The following KIRREL3 variants were observed in gnomAD, a reference collection of about 807,000 sequenced individuals.
The protein encoded by KIRREL3 is kirre like nephrin family adhesion molecule 3, also known as kin of IRRE-like protein 3.
A neutral mutation model predicts 89.7 loss-of-function variants in KIRREL3; 36 were observed. The ratio of observed to expected loss-of-function variants is 0.40; its 90% CI spans 0.31 to 0.53. The LOEUF (loss-of-function observed/expected upper bound fraction) is 0.53. KIRREL3 is among the 20% of genes least tolerant of loss of function. The pLI, the probability that KIRREL3 is intolerant of heterozygous loss-of-function variation, is 0.49. For synonymous variants in KIRREL3, 445 were observed against 441.4 expected (o/e 1.01, Z -0.10); for missense variants, 864 against 1,056.6 (o/e 0.82, Z 2.53).
At chr11:126,436,107 G>A (rs1955322793) in intron 12 of KIRREL3, among the ~76,000 whole-genome samples, 1 of 152,146 alleles carries the variant, frequency 6.6e-6, no homozygotes, top group Non-Finnish European at 1.5e-5. Context: ...CTTTGACCAG[G>A]AGCTGGGACG....
chr11:126,520,299 C>T lies in KIRREL3; in HGVS notation c.433+1016G>A, dbSNP rs1452305142. ...TGGGCCTGGGCTTTCCCACTTCCCT[C>T]CTGCACGCGTGCCTGGCACAGACTC... On this transcript the variant is annotated intron_variant, in intron 4 of 16. Coordinates refer to ENST00000525144, the MANE Select transcript of KIRREL3 (RefSeq NM_032531.4). This position sits in a 1 kb window ranked among gnomAD's most constrained non-coding sequence, Gnocchi z 4.9. 3.9e-5 allele frequency among the ~76,000 whole-genome samples: 6 copies of T among 152,226 alleles called. No homozygotes were observed. Among genetic ancestry groups the T allele is most frequent in the African/African-American group, 1.4e-4 (6 of 41,462 alleles).
intron 1 of KIRREL3, among the ~76,000 whole-genome samples, chr11:126,834,956 T>C (rs1392927890): frequency 1.3e-5 from 2 of 152,216 alleles, no homozygotes; most frequent in Non-Finnish European, 2.9e-5. Flanking sequence ...CAAACAGATA[T>C]AGGGGGAAAC....
At chr11:126,964,727 T>A (rs919941546) in intron 1 of KIRREL3, among the ~76,000 whole-genome samples, 1 of 152,152 alleles carries the variant, frequency 6.6e-6, no homozygotes, top group African/African-American at 2.4e-5. Context: ...TGAGGTTCTA[T>A]GCAGATGTTG....
In KIRREL3 at chr11:126,495,239, C is replaced by T. The variant is rs867553129; in HGVS notation, c.434-21773G>A. On this transcript the variant is annotated intron_variant, in intron 4 of 16. Coordinates refer to ENST00000525144, the MANE Select transcript of KIRREL3 (RefSeq NM_032531.4). This position sits in a 1 kb window ranked among gnomAD's most constrained non-coding sequence, Gnocchi z 6.5. The stretch of plus-strand genomic sequence containing the variant: ...CTGGCTCTTCCTTGCCTTTCAGGAA[C>T]TCCCAGTGGCTTTCCCTTGTTTGCA... Among the ~76,000 whole-genome samples the T allele has an allele frequency of 7.9e-5, 12 of 152,176 alleles. No homozygotes were observed. The highest frequency in any genetic ancestry group is 2.2e-4 in the African/African-American group (9 of 41,440).
rs1956575669 is a variant in KIRREL3, at chr11:126,462,389, G to T, written c.742+768C>A. Among the ~76,000 whole-genome samples, 1 of 152,200 alleles carries T rather than the reference G, an allele frequency of 6.6e-6. No homozygotes were observed. Among genetic ancestry groups the T allele is most frequent in the African/African-American group, 2.4e-5 (1 of 41,448 alleles). On this transcript the variant is annotated intron_variant, in intron 6 of 16. Coordinates refer to ENST00000525144, the MANE Select transcript of KIRREL3 (RefSeq NM_032531.4). The surrounding 1 kb of genome is among the most constrained non-coding windows in gnomAD (Gnocchi z 4.8). The stretch of plus-strand genomic sequence containing the variant: ...TGTTGTAAAGATTAAATAAGGCCAG[G>T]CGAAGTGGCTCACATCTGTAATCCC...
Position 126,903,750 on chromosome 11 carries a change from C to T in KIRREL3, c.55+96705G>A, listed in dbSNP as rs1946463923. Among the ~76,000 whole-genome samples the T allele has an allele frequency of 6.6e-6, 1 of 152,264 alleles. No homozygotes were observed. The highest frequency in any genetic ancestry group is 1.5e-5 in the Non-Finnish European group (1 of 68,020). On this transcript the variant is annotated intron_variant, in intron 1 of 16. Coordinates refer to ENST00000525144, the MANE Select transcript of KIRREL3 (RefSeq NM_032531.4). The surrounding 1 kb of genome is among the most constrained non-coding windows in gnomAD (Gnocchi z 4.5). Reference sequence around the variant, plus strand: ...GGCCACCAACGCTTTCTGTAATCACCTTAATAGGTCAACATAACAATGGAT... The same window carrying T: ...GGCCACCAACGCTTTCTGTAATCACTTTAATAGGTCAACATAACAATGGAT...
At chr11:126,864,424 C>T (rs7943634) in intron 1 of KIRREL3, among the ~76,000 whole-genome samples, 35,380 of 152,166 alleles carry the variant, frequency 0.23, 4,816 homozygotes, top group Non-Finnish European at 0.31. Flanking sequence ...TTGCAGTATG[C>T]CTGCCTGGCC....
intron 1 of KIRREL3, among the ~76,000 whole-genome samples, chr11:126,831,680 A>G (rs1222886409): frequency 6.6e-6 from 1 of 152,232 alleles, no homozygotes. Context: ...GAAAGGGGTC[A>G]CTTACAACAG....
chr11:126,958,584 T>A (rs1032508315), intron 1 of KIRREL3, among the ~76,000 whole-genome samples: 15 of 152,226 alleles, frequency 9.9e-5, no homozygotes, highest in African/African-American at 3.6e-4. Flanking sequence ...TCACTAAATT[T>A]GATGGTATGA....
At position 126,971,402 on chromosome 11, in the gene KIRREL3, T is replaced by A. The variant is rs140311539; in HGVS notation, c.55+29053A>T. 5.5e-3 allele frequency among the ~76,000 whole-genome samples: 832 copies of A among 152,236 alleles called. 8 individuals are homozygous for A. Among genetic ancestry groups the A allele is most frequent in the African/African-American group, 0.019 (801 of 41,552 alleles). On this transcript the variant is annotated intron_variant, in intron 1 of 16. Coordinates refer to ENST00000525144, the MANE Select transcript of KIRREL3 (RefSeq NM_032531.4). Reference sequence around the variant, plus strand: ...ATTCTGAAGAGATAACAGCTAGGTGTGAAAATGAGAGTTGTAGAAACCACT... The same window carrying A: ...ATTCTGAAGAGATAACAGCTAGGTGAGAAAATGAGAGTTGTAGAAACCACT...
chr11:126,509,991 C>CGAAAAAAA (rs1958154261), intron 4 of KIRREL3, among the ~76,000 whole-genome samples: 1 of 62,062 alleles, frequency 1.6e-5, no homozygotes, highest in Non-Finnish European at 2.8e-5. Context: ...GACTCCGTCT[C>CGAAAAAAA]AAAAAAAAAA....
chr11:126,589,605 C>G (rs988155313), intron 1 of KIRREL3, among the ~76,000 whole-genome samples: 1 of 152,228 alleles, frequency 6.6e-6, no homozygotes, highest in Non-Finnish European at 1.5e-5. Flanking sequence ...CATAGTAACA[C>G]AGCTCATCAC....
intron 2 of KIRREL3, among the ~76,000 whole-genome samples, chr11:126,538,017 G>C (rs1938048751): frequency 6.6e-6 from 1 of 151,920 alleles, no homozygotes. Flanking sequence ...CTTGAGCTTG[G>C]GACTGTTAAA....
In KIRREL3 at chr11:126,983,292, C is replaced by T. The variant is rs1420141881; in HGVS notation, c.55+17163G>A. 6.6e-6 allele frequency among the ~76,000 whole-genome samples: 1 copy of T among 152,150 alleles called. No individual in the cohort carries two copies. The highest frequency in any genetic ancestry group is 1.5e-5 in the Non-Finnish European group (1 of 68,026). ...ACTTACAAGTAGTGAGGCTGAGGCA[C>T]AGATTTCTTACACAGAGAGGTAGGA... On this transcript the variant is annotated intron_variant, in intron 1 of 16. Transcript: ENST00000525144. The surrounding 1 kb of genome is among the most constrained non-coding windows in gnomAD (Gnocchi z 4.9).
At position 126,576,578 on chromosome 11, in the gene KIRREL3, T is replaced by A. The variant is rs184922909; in HGVS notation, c.56-13666A>T. The stretch of plus-strand genomic sequence containing the variant: ...TATTAAACATCCCTGGACCTCAGCA[T>A]CTCCATCTTCAAAATGCTGTCACCA... On this transcript the variant is annotated intron_variant, in intron 1 of 16. Transcript: ENST00000525144. The surrounding 1 kb of genome is among the most constrained non-coding windows in gnomAD (Gnocchi z 5.4). Among the ~76,000 whole-genome samples the A allele has an allele frequency of 3.9e-4, 60 of 152,294 alleles. No individual in the cohort carries two copies. The highest frequency in any genetic ancestry group is 7.5e-4 in the Non-Finnish European group (51 of 68,030).
intron 9 of KIRREL3, among the ~76,000 whole-genome samples, chr11:126,445,792 T>C (rs1417189992): frequency 6.6e-6 from 1 of 152,196 alleles, no homozygotes; most frequent in African/African-American, 2.4e-5. Flanking sequence ...GCTCTCCCTG[T>C]TCCTTCCTAT....
At chr11:126,951,317 G>A (rs746000788) in intron 1 of KIRREL3, among the ~76,000 whole-genome samples, 1 of 152,200 alleles carries the variant, frequency 6.6e-6, no homozygotes, top group Non-Finnish European at 1.5e-5. Flanking sequence ...CTGGGTATTT[G>A]ATAATGGACT....
chr11:126,590,797 G>A (rs1274381178), intron 1 of KIRREL3, among the ~76,000 whole-genome samples: 1 of 152,066 alleles, frequency 6.6e-6, no homozygotes, highest in East Asian at 1.9e-4. Context: ...AGCGGGAGCC[G>A]CCCTTCTTGG....
In KIRREL3 at chr11:126,498,941, G is replaced by T. The variant is rs1957763312; in HGVS notation, c.433+22374C>A. The stretch of plus-strand genomic sequence containing the variant: ...GCACTTTGGGAGGTGGAGGCGGGTG[G>T]ATCACCTGAGGTCATGAGTTTGAGA... On this transcript the variant is annotated intron_variant, in intron 4 of 16. Transcript: ENST00000525144. This position sits in a 1 kb window ranked among gnomAD's most constrained non-coding sequence, Gnocchi z 4.3. Among the ~76,000 whole-genome samples, 1 of 152,162 alleles carries T rather than the reference G, an allele frequency of 6.6e-6. No individual in the cohort carries two copies.
Sources: gnomAD v4.1 joint callset for allele counts (sites outside exome capture counted in the v4.1 genomes callset) on GRCh38, gnomAD v4.1.1 for gene constraint, Gnocchi (gnomAD v3.1) non-coding constraint, MANE v1.5 for transcripts, NCBI Gene and HGNC (gene_info 2026-07-23, HGNC 2026-07-21) for gene names.